The following SLC35F3 variants were observed in gnomAD, a reference collection of about 807,000 sequenced individuals.
SLC35F3 encodes the protein solute carrier family 35 member F3.
In SLC35F3, 25 loss-of-function variants were observed where a neutral mutation model predicts 49.9. The observed-to-expected ratio is 0.50, with a 90% CI of 0.37 to 0.70. The LOEUF (loss-of-function observed/expected upper bound fraction) is 0.70. Among genes scored for constraint, SLC35F3 ranks in the 30% least tolerant of loss-of-function variants. The pLI, the probability that SLC35F3 is intolerant of heterozygous loss-of-function variation, is 0.00. For synonymous variants in SLC35F3, 275 were observed against 265.4 expected (o/e 1.04, Z -0.35); for missense variants, 525 against 639.8 (o/e 0.82, Z 1.94).
At chr1:234,105,392 G>C (rs2045522) in intron 2 of SLC35F3, among the ~76,000 whole-genome samples, 6 of 152,192 alleles carry the variant, frequency 3.9e-5, no homozygotes, top group African/African-American at 1.4e-4. Context: ...GGCTCTCCAT[G>C]TATCTGCTTA....
intron 2 of SLC35F3, among the ~76,000 whole-genome samples, chr1:233,923,054 T>G (rs1558179616): frequency 6.6e-6 from 1 of 152,192 alleles, no homozygotes. Context: ...ACTGTAGCCT[T>G]GTAGTATAGT....
chr1:233,967,310 T>C (rs1662920421), intron 2 of SLC35F3, among the ~76,000 whole-genome samples: 1 of 152,096 alleles, frequency 6.6e-6, no homozygotes, highest in Non-Finnish European at 1.5e-5. Flanking sequence ...TGTAAGAGCT[T>C]TAAAAAAGAA....
At chr1:234,256,145 A>G (rs1404861911) in intron 3 of SLC35F3, among the ~76,000 whole-genome samples, 1 of 152,210 alleles carries the variant, frequency 6.6e-6, no homozygotes, top group Non-Finnish European at 1.5e-5. Context: ...AGTGGAAAAA[A>G]CATTTGATTG....
At chr1:233,967,948 T>C (rs1662927863) in intron 2 of SLC35F3, among the ~76,000 whole-genome samples, 1 of 152,214 alleles carries the variant, frequency 6.6e-6, no homozygotes, top group African/African-American at 2.4e-5. Context: ...GAACATGCGG[T>C]GAATTGTTTC....
intron 2 of SLC35F3, among the ~76,000 whole-genome samples, chr1:234,109,715 T>C (rs1665376691): frequency 1.3e-5 from 2 of 152,014 alleles, no homozygotes; most frequent in Admixed American, 1.3e-4. Context: ...ATCTCAAAGA[T>C]GGTAGGGAGA....
intron 2 of SLC35F3, among the ~76,000 whole-genome samples, chr1:234,120,462 C>G (rs1665553417): frequency 6.6e-6 from 1 of 152,146 alleles, no homozygotes; most frequent in Non-Finnish European, 1.5e-5. Context: ...CCTTTGAGAA[C>G]CGCAGTTCCT....
intron 2 of SLC35F3, among the ~76,000 whole-genome samples, chr1:234,217,040 T>C (rs1321917028): frequency 6.6e-6 from 1 of 152,190 alleles, no homozygotes; most frequent in African/African-American, 2.4e-5. Flanking sequence ...ATGTGCTGGT[T>C]TTGGAAGTGT....
At chr1:234,173,788 AC>A (rs1666435715) in intron 2 of SLC35F3, among the ~76,000 whole-genome samples, 1 of 152,170 alleles carries the variant, frequency 6.6e-6, no homozygotes, top group African/African-American at 2.4e-5. Flanking sequence ...GGCCATTTGG[AC>A]TCCTTCAGTG....
At chr1:234,249,127 C>A (rs541002939) in intron 3 of SLC35F3, among the ~76,000 whole-genome samples, 3 of 152,288 alleles carry the variant, frequency 2.0e-5, no homozygotes, top group African/African-American at 7.2e-5. Flanking sequence ...AACACAATAT[C>A]CTCCTGGGAG....
chr1:233,999,607 T>G lies in SLC35F3; in HGVS notation c.283+93849T>G, dbSNP rs187148779. ...TTCCTGTTTCGCTTCCCATCTTCAG[T>G]GCCTCCACTTATCCCTTCCGGCCCT... On this transcript the variant is annotated intron_variant, in intron 2 of 7. Coordinates refer to ENST00000366618, the MANE Select transcript of SLC35F3 (RefSeq NM_173508.4). 7.9e-5 allele frequency among the ~76,000 whole-genome samples: 12 copies of G among 152,234 alleles called. No homozygotes were observed. In the East Asian group the frequency reaches 1.9e-3, roughly 25 times the overall value.
At chr1:234,313,658 A>G (rs1353631269) in intron 4 of SLC35F3, among the ~76,000 whole-genome samples, 1 of 151,834 alleles carries the variant, frequency 6.6e-6, no homozygotes, top group Non-Finnish European at 1.5e-5. Context: ...AGGTCAGGGG[A>G]GCTCCGTTGT....
At chr1:234,266,377 T>C (rs548585772) in intron 3 of SLC35F3, among the ~76,000 whole-genome samples, 1 of 152,340 alleles carries the variant, frequency 6.6e-6, no homozygotes, top group East Asian at 1.9e-4. Flanking sequence ...ACTAACAGTT[T>C]ATGCCTTTTG....
chr1:233,965,267 G>A (rs551044687), intron 2 of SLC35F3, among the ~76,000 whole-genome samples: 11 of 152,278 alleles, frequency 7.2e-5, no homozygotes, highest in East Asian at 3.9e-4. Context: ...CTTTGGTACC[G>A]TTACTTGCAC....
chr1:233,914,097 T>C (rs1661929498), intron 2 of SLC35F3, among the ~76,000 whole-genome samples: 1 of 152,070 alleles, frequency 6.6e-6, no homozygotes, highest in Admixed American at 6.5e-5. Flanking sequence ...CATCCTCCGT[T>C]TGGGCCCTTA....
intron 2 of SLC35F3, among the ~76,000 whole-genome samples, chr1:233,920,106 A>G (rs1662035278): frequency 6.6e-6 from 1 of 152,214 alleles, no homozygotes; most frequent in Non-Finnish European, 1.5e-5. Flanking sequence ...AATCAGAGAT[A>G]ATACTGCTTT....
At chr1:234,257,575 T>C (rs762895642) in intron 3 of SLC35F3, among the ~76,000 whole-genome samples, 1 of 152,236 alleles carries the variant, frequency 6.6e-6, no homozygotes, top group African/African-American at 2.4e-5. Flanking sequence ...GAAAGATATT[T>C]GAGTTGGAAG....
intron 2 of SLC35F3, among the ~76,000 whole-genome samples, chr1:233,956,193 AACTATTAAGTT>A (rs1169320103): frequency 6.6e-6 from 1 of 152,040 alleles, no homozygotes; most frequent in East Asian, 1.9e-4. Flanking sequence ...CAGCCCTGCA[AACTATTAAGTT>A]AGTTTAGAAG....
At chr1:234,098,994 T>C (rs185093218) in intron 2 of SLC35F3, among the ~76,000 whole-genome samples, 1 of 152,044 alleles carries the variant, frequency 6.6e-6, no homozygotes, top group Admixed American at 6.6e-5. Flanking sequence ...CTGGTGGTGA[T>C]AGCAGTGCAG....
At chr1:233,973,332 C>T (rs578121490) in intron 2 of SLC35F3, among the ~76,000 whole-genome samples, 4 of 152,286 alleles carry the variant, frequency 2.6e-5, no homozygotes, top group African/African-American at 9.6e-5. Flanking sequence ...GACAGATTCC[C>T]CGGGTCATTT....
Sources: allele counts gnomAD v4.1 joint callset (sites outside exome capture counted in the v4.1 genomes callset), GRCh38; gene constraint gnomAD v4.1.1; transcripts MANE v1.5; gene names NCBI Gene and HGNC (gene_info 2026-07-23, HGNC 2026-07-21).